Variants in MAGEC3 observed in about 807,000 individuals in gnomAD.
MAGEC3 encodes the protein MAGE family member C3.
A neutral mutation model predicts 35.3 loss-of-function variants in MAGEC3; 34 were observed. The observed-to-expected ratio is 0.96, with a 90% CI of 0.73 to 1.28. The LOEUF (loss-of-function observed/expected upper bound fraction) is 1.28. Among genes scored for constraint, MAGEC3 ranks in the 50% most tolerant of loss-of-function variants. The pLI is 0.00. For missense variants in MAGEC3, 561 were observed against 483.6 expected (o/e 1.16, Z -1.50); for synonymous variants, 202 against 185.6 (o/e 1.09, Z -0.72).
intron 4 of MAGEC3, among the ~76,000 whole-genome samples, chrX:141,885,528 C>T (rs1000471346): frequency 7.4e-5 from 8 of 107,764 alleles, no homozygotes; most frequent in African/African-American, 2.4e-4. Context: ...AGCTGGGCAT[C>T]GTGGTGCGCG....
intron 4 of MAGEC3, among the ~76,000 whole-genome samples, chrX:141,888,242 C>T (rs942907152): frequency 1.2e-4 from 13 of 111,987 alleles, no homozygotes; most frequent in African/African-American, 3.6e-4. Context: ...TATGCAGGCA[C>T]CATCCAAAAG....
chrX:141,870,268 C>T (rs188673631), intron 2 of MAGEC3, among the ~76,000 whole-genome samples: 34 of 111,305 alleles, frequency 3.1e-4, no homozygotes, highest in Admixed American at 8.6e-4. Flanking sequence ...TTGCTAGTAA[C>T]GTTAACCTGA....
intron 1 of MAGEC3, among the ~76,000 whole-genome samples, chrX:141,849,330 A>G (rs1210795711): frequency 9.0e-6 from 1 of 111,161 alleles, no homozygotes; most frequent in Non-Finnish European, 1.9e-5. Flanking sequence ...TAAATATCCT[A>G]AAAGAAAACC....
At chrX:141,861,702 CTGGAATATG>C (rs1419716285) in intron 1 of MAGEC3, among the ~76,000 whole-genome samples, 2 of 111,782 alleles carry the variant, frequency 1.8e-5, no homozygotes, top group African/African-American at 6.5e-5. Flanking sequence ...AGTAATGGTG[CTGGAATATG>C]TGGATAACCA....
chrX:141,877,755 T>C (rs972928111), intron 2 of MAGEC3, among the ~76,000 whole-genome samples: 16 of 112,097 alleles, frequency 1.4e-4, no homozygotes, highest in Admixed American at 1.3e-3. Flanking sequence ...TCCTTTTATC[T>C]AGTTTGGTAA....
intron 4 of MAGEC3, among the ~76,000 whole-genome samples, chrX:141,890,714 A>G (rs763241431): frequency 8.9e-6 from 1 of 112,487 alleles, no homozygotes; most frequent in Non-Finnish European, 1.9e-5. Flanking sequence ...GAGGAGACTT[A>G]CTATCATAAA....
At chrX:141,848,378 C>A (rs2017730553) in intron 1 of MAGEC3, among the ~76,000 whole-genome samples, 1 of 110,261 alleles carries the variant, frequency 9.1e-6, no homozygotes, top group Non-Finnish European at 1.9e-5. Context: ...AATAGGAAAC[C>A]CTGAAGACTC....
intron 4 of MAGEC3, among the ~76,000 whole-genome samples, chrX:141,892,693 G>T (rs756016373): frequency 9.0e-6 from 1 of 111,499 alleles, no homozygotes; most frequent in East Asian, 2.8e-4. Flanking sequence ...GCAAACCCTA[G>T]GTGACTTTGG....
chrX:141,873,504 A>G (rs1272115729), intron 2 of MAGEC3, among the ~76,000 whole-genome samples: 2 of 111,420 alleles, frequency 1.8e-5, no homozygotes, highest in Non-Finnish European at 3.8e-5. Context: ...TCAAAAGAGA[A>G]GTGATTTCCT....
At chrX:141,882,768 A>C (rs2017975999) in intron 4 of MAGEC3, among the ~76,000 whole-genome samples, 1 of 112,134 alleles carries the variant, frequency 8.9e-6, no homozygotes, top group African/African-American at 3.2e-5. Flanking sequence ...GTTATGCCTT[A>C]CCTATAAAAC....
chrX:141,876,140 C>G (rs1434306625), intron 2 of MAGEC3, among the ~76,000 whole-genome samples: 1 of 112,105 alleles, frequency 8.9e-6, no homozygotes, highest in Admixed American at 9.4e-5. Flanking sequence ...AAATAAACCT[C>G]TATTCCCATC....
chrX:141,884,391 C>T (rs2017987405), intron 4 of MAGEC3, among the ~76,000 whole-genome samples: 1 of 111,829 alleles, frequency 8.9e-6, no homozygotes, highest in Non-Finnish European at 1.9e-5. Flanking sequence ...CTCGGACTGG[C>T]TTCCTTGCTC....
In MAGEC3 at chrX:141,897,711, A is replaced by G; in HGVS notation, c.1811A>G (p.Tyr604Cys). 1 of 1,211,994 alleles carries G rather than the reference A, an allele frequency of 8.3e-7. No individual in the cohort carries two copies. The highest frequency in any genetic ancestry group is 3.0e-5 in the East Asian group (1 of 33,842). ...SIIPSAFPSWYMDALKDMEDR... is the reference protein window; with the variant it reads ...SIIPSAFPSWCMDALKDMEDR... ...ATCCCTAGTGCCTTTCCATCCTGGT[A>G]CATGGATGCTTTGAAAGATATGGAA... Residue 604 changes from tyrosine (Y) to cysteine (C), a missense_variant, in exon 8 of 8, where the codon TAC becomes TGC. Transcript: ENST00000298296.
At chrX:141,859,762 C>G (rs1156536616) in intron 1 of MAGEC3, among the ~76,000 whole-genome samples, 1 of 111,106 alleles carries the variant, frequency 9.0e-6, no homozygotes, top group Non-Finnish European at 1.9e-5. Context: ...CCCTATATCC[C>G]AGATAGGGCA....
chrX:141,851,907 G>T (rs2017752777), intron 1 of MAGEC3, among the ~76,000 whole-genome samples: 1 of 110,646 alleles, frequency 9.0e-6, no homozygotes, highest in African/African-American at 3.3e-5. Flanking sequence ...TATTAAGATT[G>T]TCATGGGTAT....
intron 3 of MAGEC3, 89 bp downstream of exon 3, chrX:141,879,520 T>C (rs760277293): frequency 1.0e-6 from 1 of 977,923 alleles, no homozygotes. Context: ...GTGGAAAGGG[T>C]CGGGGAGGTA....
Position 141,867,296 on chromosome X carries a change from C to G in MAGEC3, c.258+1691C>G, listed in dbSNP as rs923233500. On this transcript the variant is annotated intron_variant, in intron 2 of 7. Coordinates refer to ENST00000298296, the MANE Select transcript of MAGEC3 (RefSeq NM_138702.1). ...TTAACTTCACCTTCATACAGTGGGC[C>G]CCAGTAAAACAATGGGCCTTAATAA... Among the ~76,000 whole-genome samples, 25 of 111,729 alleles carry G rather than the reference C, an allele frequency of 2.2e-4. 1 individual carries two copies. Among genetic ancestry groups the G allele is most frequent in the Admixed American group, 1.4e-3 (15 of 10,537 alleles).
At chrX:141,884,385 G>A (rs769802360) in intron 4 of MAGEC3, among the ~76,000 whole-genome samples, 39 of 111,792 alleles carry the variant, frequency 3.5e-4, no homozygotes, top group Non-Finnish European at 7.0e-4. Context: ...TTGGGACTCG[G>A]ACTGGCTTCC....
chrX:141,877,227 A>G (rs941536950), intron 2 of MAGEC3, among the ~76,000 whole-genome samples: 8 of 111,693 alleles, frequency 7.2e-5, no homozygotes, highest in African/African-American at 2.3e-4. Context: ...GCATTTTAAT[A>G]TTTTTGTCTG....
Sources: gnomAD v4.1 joint callset for allele counts (sites outside exome capture counted in the v4.1 genomes callset) on GRCh38, gnomAD v4.1.1 for gene constraint, MANE v1.5 for transcripts, NCBI Gene and HGNC (gene_info 2026-07-23, HGNC 2026-07-21) for gene names.